Variants in PTK2 observed in about 807,000 individuals in gnomAD.
PTK2 encodes protein tyrosine kinase 2.
A neutral mutation model predicts 150.1 loss-of-function variants in PTK2; 45 were observed. The observed-to-expected ratio is 0.30, with a 90% CI of 0.24 to 0.38. The LOEUF is 0.38. PTK2 is among the 10% of genes least tolerant of loss of function. PTK2 has a pLI of 1.00. For missense variants in PTK2, 919 were observed against 1,307.3 expected (o/e 0.70, Z 4.58); for synonymous variants, 432 against 449.2 (o/e 0.96, Z 0.48).
chr8:140,932,671 A>C (rs191315702), intron 1 of PTK2, among the ~76,000 whole-genome samples: 302 of 152,322 alleles, frequency 2.0e-3, no homozygotes, highest in African/African-American at 6.7e-3. Flanking sequence ...CTTGTTAGCA[A>C]AATCAATAAA....
In PTK2 at chr8:140,925,758, CAAAG is replaced by C. The variant is rs1242971727; in HGVS notation, c.-121-13_-121-10del. ...GGGAGCCCCAGTTCTGCCTGTGAGA[CAAAG>C]AAAATCATTTCAAAATCCTGAACTT... is the stretch of plus-strand genomic sequence containing the variant. On this transcript the variant is annotated splice_polypyrimidine_tract_variant and intron_variant, in intron 1 of 31. Coordinates refer to ENST00000522684, the Ensembl canonical transcript of PTK2. 1 of 616,242 alleles carries C rather than the reference CAAAG, an allele frequency of 1.6e-6. No individual in the cohort carries two copies. Among genetic ancestry groups the C allele is most frequent in the Non-Finnish European group, 2.0e-6 (1 of 493,070 alleles). The allele number at this position is 616,242 out of a possible 1,614,324, so 38.2% of individuals were successfully genotyped here. A position where few individuals can be genotyped will look rare whatever the true frequency, so the allele number is the denominator to read the frequency against.
intron 2 of PTK2, among the ~76,000 whole-genome samples, chr8:140,916,817 A>G (rs2100165448): frequency 6.6e-6 from 1 of 152,234 alleles, no homozygotes; most frequent in South Asian, 2.1e-4. Flanking sequence ...CCCACTGTTC[A>G]GAATCTTGCT....
intron 24 of PTK2, among the ~76,000 whole-genome samples, chr8:140,705,568 C>T (rs1272385761): frequency 1.3e-5 from 2 of 152,066 alleles, no homozygotes; most frequent in East Asian, 3.8e-4. Flanking sequence ...ATGCACCTCT[C>T]GGAACAAAGA....
At chr8:140,998,753 A>T (rs2100198785) in intron 1 of PTK2, among the ~76,000 whole-genome samples, 1 of 148,974 alleles carries the variant, frequency 6.7e-6, no homozygotes, top group Non-Finnish European at 1.5e-5. Flanking sequence ...CGGGCAGTGG[A>T]GCTTGCAGTG....
chr8:140,767,386 G>A (rs747996418), intron 14 of PTK2, among the ~76,000 whole-genome samples: 8 of 152,056 alleles, frequency 5.3e-5, no homozygotes, highest in Non-Finnish European at 8.8e-5. Flanking sequence ...GAGAATTCAT[G>A]GAGTAAAATC....
chr8:140,945,847 C>A (rs1336488349), intron 1 of PTK2, among the ~76,000 whole-genome samples: 2 of 152,158 alleles, frequency 1.3e-5, no homozygotes, highest in African/African-American at 4.8e-5. Flanking sequence ...ATTTTCACTA[C>A]CTAGAATGCT....
intron 1 of PTK2, among the ~76,000 whole-genome samples, chr8:140,966,009 C>T (rs1237613520): frequency 2.0e-5 from 3 of 152,070 alleles, no homozygotes; most frequent in African/African-American, 7.2e-5. Context: ...CAGTTGGTTG[C>T]AGTTGGAAGC....
At chr8:140,744,264 G>C (rs4517174) in intron 19 of PTK2, among the ~76,000 whole-genome samples, 2 of 152,056 alleles carry the variant, frequency 1.3e-5, no homozygotes, top group East Asian at 3.9e-4. Flanking sequence ...TTGTCCTGGA[G>C]AGTTCCAGGA....
intron 18 of PTK2, among the ~76,000 whole-genome samples, chr8:140,745,999 C>CAAAAAAA (rs367643506): frequency 1.4e-5 from 1 of 69,782 alleles, no homozygotes; most frequent in Non-Finnish European, 2.9e-5. Flanking sequence ...GACTCTGTCT[C>CAAAAAAA]AAAAAAAAAA....
chr8:140,711,473 T>A (rs1209118583), intron 23 of PTK2, among the ~76,000 whole-genome samples: 1 of 152,242 alleles, frequency 6.6e-6, no homozygotes, highest in Non-Finnish European at 1.5e-5. Flanking sequence ...ATAAAATCCC[T>A]GTCACTTGAA....
chr8:140,919,492 G>C (rs1467260669), intron 2 of PTK2, among the ~76,000 whole-genome samples: 1 of 148,764 alleles, frequency 6.7e-6, no homozygotes, highest in Non-Finnish European at 1.5e-5. Flanking sequence ...TGTAGATCTT[G>C]AATACAGCTT....
At chr8:140,803,946 G>A (rs1257647500) in intron 10 of PTK2, among the ~76,000 whole-genome samples, 1 of 152,170 alleles carries the variant, frequency 6.6e-6, no homozygotes, top group Non-Finnish European at 1.5e-5. Context: ...AGGAGGGAGG[G>A]AAGTTGAAGC....
chr8:140,902,644 T>A, intron 2 of PTK2, among the ~76,000 whole-genome samples: 1 of 152,232 alleles, frequency 6.6e-6, no homozygotes, highest in Non-Finnish European at 1.5e-5. Context: ...TTTTTAATGA[T>A]TGCCATTCTA....
intron 1 of PTK2, among the ~76,000 whole-genome samples, chr8:140,944,473 A>G (rs1010460404): frequency 2.0e-5 from 3 of 152,302 alleles, no homozygotes; most frequent in African/African-American, 2.4e-5. Context: ...GCCACGAGGA[A>G]TCTTGGACTG....
chr8:140,960,346 A>C (rs1032056220), intron 1 of PTK2, among the ~76,000 whole-genome samples: 6 of 151,816 alleles, frequency 4.0e-5, no homozygotes, highest in Non-Finnish European at 8.8e-5. Context: ...GCGCTACATG[A>C]TTACAGGCAT....
chr8:140,812,114 T>G (rs2100101943), intron 10 of PTK2, among the ~76,000 whole-genome samples: 1 of 152,170 alleles, frequency 6.6e-6, no homozygotes, highest in African/African-American at 2.4e-5. Context: ...CATGAAATTC[T>G]TCAAGGTGGA....
chr8:140,970,235 G>A (rs899300546), intron 1 of PTK2, among the ~76,000 whole-genome samples: 8 of 152,186 alleles, frequency 5.3e-5, no homozygotes, highest in African/African-American at 1.7e-4. Flanking sequence ...CAGTAGTGAA[G>A]GACTATAATC....
chr8:140,852,531 A>G (rs977000569), intron 5 of PTK2, among the ~76,000 whole-genome samples: 3 of 152,158 alleles, frequency 2.0e-5, no homozygotes, highest in Non-Finnish European at 4.4e-5. Context: ...CCTTATTCCT[A>G]TATTGTATTA....
rs779534564 is a variant in PTK2 at position 140,927,940 on chromosome 8, GA to G, written c.-121-2192del. Among the ~76,000 whole-genome samples, 74 of 36,288 alleles carry G rather than the reference GA, an allele frequency of 2.0e-3. 2 individuals carry two copies. The highest frequency in any genetic ancestry group is 5.7e-3 in the East Asian group (7 of 1,226). The allele number at this position is 36,288 out of a possible 152,430, so 23.8% of individuals were successfully genotyped here. On this transcript the variant is annotated intron_variant, in intron 1 of 31. Coordinates refer to ENST00000522684, the Ensembl canonical transcript of PTK2. ...CAAGAGCAAAACTCCATCTCAAAAA[GA>G]AAAAAAAAAAAAAAAAGAAAAAAAA...
Sources: gnomAD v4.1 joint callset for allele counts (sites outside exome capture counted in the v4.1 genomes callset) on GRCh38, gnomAD v4.1.1 for gene constraint, MANE v1.5 for transcripts, NCBI Gene and HGNC (gene_info 2026-07-23, HGNC 2026-07-21) for gene names.